SLC25A33: variants seen among roughly 807,000 people sequenced by gnomAD.
The protein encoded by SLC25A33 is bone marrow stromal cell mitochondrial carrier protein.
Under a neutral mutation model 35.5 loss-of-function variants are expected in SLC25A33, and 15 were observed. The observed-to-expected ratio is 0.42, with a 90% CI of 0.28 to 0.65. The LOEUF (loss-of-function observed/expected upper bound fraction) is 0.65. SLC25A33 is among the 30% of genes least tolerant of loss of function. SLC25A33 has a pLI of 0.20. For synonymous variants in SLC25A33, 136 were observed against 148.7 expected (o/e 0.91, Z 0.62); for missense variants, 257 against 398.5 (o/e 0.64, Z 3.02).
intron 2 of SLC25A33, among the ~76,000 whole-genome samples, chr1:9,562,347 CAAAAAAA>C (rs56748646): frequency 1.2e-5 from 1 of 84,180 alleles, no homozygotes; most frequent in Non-Finnish European, 2.7e-5. Flanking sequence ...GACTCCATCT[CAAAAAAA>C]AAAAAAAAAA....
intron 1 of SLC25A33, among the ~76,000 whole-genome samples, chr1:9,546,498 C>A (rs994638445): frequency 6.6e-6 from 1 of 152,108 alleles, no homozygotes; most frequent in Non-Finnish European, 1.5e-5. Context: ...AGAGAATTTT[C>A]TCTGCACTTT....
chr1:9,539,818 C>T lies in SLC25A33; in HGVS notation c.56+71C>T, dbSNP rs997606203. On this transcript the variant is annotated intron_variant, in intron 1 of 6. Coordinates refer to ENST00000302692, the MANE Select transcript of SLC25A33 (RefSeq NM_032315.3). The stretch of plus-strand genomic sequence containing the variant: ...CCTCGGCCTTCGCCCCGGGCGCGGC[C>T]CCAGCCTCCCGCGGCGGTTACCGGC... 109 of 1,231,502 alleles carry T rather than the reference C, an allele frequency of 8.9e-5. 1 individual carries two copies. Among genetic ancestry groups the T allele is most frequent in the Non-Finnish European group, 1.0e-4 (102 of 982,626 alleles). 76.3% of individuals were successfully genotyped at this position (1,231,502 alleles called of 1,614,324 possible).
chr1:9,575,779 C>T (rs1643654889), intron 5 of SLC25A33, among the ~76,000 whole-genome samples: 2 of 152,344 alleles, frequency 1.3e-5, no homozygotes, highest in Middle Eastern at 3.4e-3. Flanking sequence ...AGCCTTCTAA[C>T]ATGCATCAGG....
At chr1:9,550,347 A>T (rs113603483) in intron 1 of SLC25A33, among the ~76,000 whole-genome samples, 203 of 152,080 alleles carry the variant, frequency 1.3e-3, no homozygotes, top group African/African-American at 4.7e-3. Flanking sequence ...AGTGGCATAG[A>T]CTTGGATGAC....
chr1:9,557,068 G>T (rs909806424), intron 2 of SLC25A33, among the ~76,000 whole-genome samples: 1 of 152,064 alleles, frequency 6.6e-6, no homozygotes, highest in African/African-American at 2.4e-5. Context: ...CAAGTAGCTG[G>T]GATTACAGGA....
chr1:9,550,846 A>G (rs1430025130), intron 1 of SLC25A33, among the ~76,000 whole-genome samples: 2 of 151,414 alleles, frequency 1.3e-5, no homozygotes. Context: ...TAATTTTTTA[A>G]TGTGTATTCT....
At chr1:9,545,543 G>T (rs1449024096) in intron 1 of SLC25A33, among the ~76,000 whole-genome samples, 1 of 151,746 alleles carries the variant, frequency 6.6e-6, no homozygotes, top group Admixed American at 6.6e-5. Context: ...GATTGCAGGC[G>T]CCTGCCACCA....
At chr1:9,562,980 G>A (rs1211007471) in intron 2 of SLC25A33, among the ~76,000 whole-genome samples, 9 of 147,672 alleles carry the variant, frequency 6.1e-5, no homozygotes, top group Non-Finnish European at 1.2e-4. Context: ...GTGCAGTGGC[G>A]CAATCTCGGC....
Position 9,584,227 on chromosome 1 carries a change from T to C in SLC25A33, c.*1726T>C, listed in dbSNP as rs1643779837. On this transcript the variant is annotated 3_prime_UTR_variant, in exon 7 of 7. Transcript: ENST00000302692. ...GTTTCAGGTTTACTTGCAGACACCC[T>C]GGTAGGGTTAAGAGGAGGATATTTC... is the stretch of plus-strand genomic sequence containing the variant. The C allele has an allele frequency of 6.6e-6, 1 of 152,200 alleles. No individual in the cohort carries two copies. Among genetic ancestry groups the C allele is most frequent in the African/African-American group, 2.4e-5 (1 of 41,454 alleles). 9.4% of individuals were successfully genotyped at this position (152,200 alleles called of 1,614,324 possible).
chr1:9,547,662 C>T (rs1643200879), intron 1 of SLC25A33, among the ~76,000 whole-genome samples: 1 of 152,036 alleles, frequency 6.6e-6, no homozygotes, highest in South Asian at 2.1e-4. Flanking sequence ...TATTTAGCAG[C>T]ATCCCAGGCC....
chr1:9,567,506 T>G, intron 3 of SLC25A33, 145 bp downstream of exon 3: 1 of 650,782 alleles, frequency 1.5e-6, no homozygotes, highest in Admixed American at 3.1e-5. Context: ...AAATAGTCAT[T>G]GAGAATGCTA....
In SLC25A33 at chr1:9,582,189, C is replaced by T; in HGVS notation, c.764-110C>T. ...TCGGCCTCCCAAAGTTCTGGGATTA[C>T]AGGTGTGAGCCACCGCACCCGGCCT... On this transcript the variant is annotated intron_variant, in intron 6 of 6. Transcript: ENST00000302692. This position sits in a 1 kb window ranked among gnomAD's most constrained non-coding sequence, Gnocchi z 4.0. The T allele has an allele frequency of 8.6e-7, 1 of 1,158,388 alleles. No individual in the cohort carries two copies. The highest frequency in any genetic ancestry group is 1.3e-6 in the Non-Finnish European group (1 of 793,900). 71.8% of individuals were successfully genotyped at this position (1,158,388 alleles called of 1,614,324 possible).
chr1:9,564,739 A>AATATATATATAT (rs70979762), intron 2 of SLC25A33, among the ~76,000 whole-genome samples: 29 of 96,534 alleles, frequency 3.0e-4, no homozygotes, highest in African/African-American at 8.4e-4. Context: ...AAAAAAAAAA[A>AATATATATATAT]ATATATATAT....
intron 5 of SLC25A33, 97 bp from the exon 6 acceptor site, chr1:9,579,857 C>T: frequency 7.3e-7 from 1 of 1,375,924 alleles, no homozygotes; most frequent in South Asian, 1.4e-5. Flanking sequence ...TATCCTAACA[C>T]CATAAGGAAG....
At position 9,579,952 on chromosome 1, in the gene SLC25A33, AGAGT is replaced by A; in HGVS notation, c.485_488del (p.Val162GlyfsTer6). The A allele has an allele frequency of 6.2e-7, 1 of 1,609,682 alleles. No homozygotes were observed. The highest frequency in any genetic ancestry group is 8.5e-7 in the Non-Finnish European group (1 of 1,178,332). ...CAGCCTGTGTTGGTCTCTTTTATGC[AGAGT>A]GAGGGGCTCTAAGCAGATGAATACA... On this transcript the variant is annotated splice_acceptor_variant and coding_sequence_variant, in exon 6 of 7. Transcript: ENST00000302692. LOFTEE classifies it high-confidence loss of function.
At position 9,539,993 on chromosome 1, in the gene SLC25A33, C is replaced by T. The variant is rs114666273; in HGVS notation, c.56+246C>T. On this transcript the variant is annotated intron_variant, in intron 1 of 6. Transcript: ENST00000302692. ...GGCTGTGCCCCGCCGCCCGTCCTCCCCGCGGCGTCCCCAGCTTTTCCCCAT... is the reference window on the plus strand; with the variant it reads ...GGCTGTGCCCCGCCGCCCGTCCTCCTCGCGGCGTCCCCAGCTTTTCCCCAT... 5.5e-3 allele frequency among the ~76,000 whole-genome samples: 839 copies of T among 152,306 alleles called. 6 individuals carry two copies. Among genetic ancestry groups the T allele is most frequent in the Non-Finnish European group, 9.3e-3 (631 of 68,016 alleles).
intron 5 of SLC25A33, chr1:9,576,754 C>G: frequency 1.9e-6 from 2 of 1,043,538 alleles, no homozygotes; most frequent in Non-Finnish European, 2.9e-6. Context: ...TGTTGAAATC[C>G]GAAATTTCTT....
chr1:9,575,453 A>C (rs1643650332), intron 5 of SLC25A33, among the ~76,000 whole-genome samples: 2 of 151,692 alleles, frequency 1.3e-5, no homozygotes. Context: ...CGTCTCTACT[A>C]AAAATACAAA....
chr1:9,573,997 G>T (rs1643627100), intron 5 of SLC25A33, among the ~76,000 whole-genome samples: 1 of 151,362 alleles, frequency 6.6e-6, no homozygotes, highest in African/African-American at 2.4e-5. Context: ...TTGTTGTTTT[G>T]TTTTTTTGTT....
Sources: allele counts gnomAD v4.1 joint callset (sites outside exome capture counted in the v4.1 genomes callset), GRCh38; gene constraint gnomAD v4.1.1; non-coding constraint Gnocchi (gnomAD v3.1); transcripts MANE v1.5; gene names NCBI Gene and HGNC (gene_info 2026-07-23, HGNC 2026-07-21).